The following PLEKHG5 variants were observed in gnomAD, a reference collection of about 807,000 sequenced individuals.
The protein encoded by PLEKHG5 is pleckstrin homology and RhoGEF domain containing G5.
Under a neutral mutation model 103.8 loss-of-function variants are expected in PLEKHG5, and 52 were observed. The ratio of observed to expected loss-of-function variants is 0.50; its 90% CI spans 0.40 to 0.63. PLEKHG5 has a LOEUF of 0.63. Among genes scored for constraint, PLEKHG5 ranks in the 30% least tolerant of loss-of-function variants. PLEKHG5 has a pLI of 0.00. For missense variants in PLEKHG5, 1,205 were observed against 1,347.6 expected, an observed-to-expected ratio of 0.89 and a Z score of 1.66; for synonymous variants, 592 against 575.5, an observed-to-expected ratio of 1.03 and a Z score of -0.41.
rs770870023 is a variant in PLEKHG5 at position 6,468,312 on chromosome 1, G to A, written c.2524C>T (p.Arg842Trp). 14 of 1,609,438 alleles carry A rather than the reference G, an allele frequency of 8.7e-6. No individual in the cohort carries two copies. The highest frequency in any genetic ancestry group is 2.7e-5 in the African/African-American group (2 of 74,914). Reference protein sequence around the residue: ...APGPMAELVPRAPESPRVPSP... With the variant: ...APGPMAELVPWAPESPRVPSP... ...GGAACTCGTGGGGACTCTGGGGCCC[G>A]AGGCACTAGCTCTGCCATTGGGCCT... The change falls in exon 20 of 21, where the codon CGG becomes TGG. Residue 842 changes from arginine (R) to tryptophan (W), a missense_variant. By Grantham distance (101) the Arg-to-Trp change is moderately radical. Transcript: ENST00000377728.
chr1:6,477,771 G>A (rs1644802839), intron 1 of PLEKHG5, 113 bp from the exon 2 acceptor site: 11 of 1,109,288 alleles, frequency 9.9e-6, no homozygotes, highest in Non-Finnish European at 1.3e-5. Flanking sequence ...TCGATCCAGG[G>A]TGAGGAGACG....
chr1:6,503,889 CG>C (rs139758732), intron 1 of PLEKHG5, among the ~76,000 whole-genome samples: 35 of 152,278 alleles, frequency 2.3e-4, no homozygotes, highest in African/African-American at 7.9e-4. Flanking sequence ...GCATCTGAGC[CG>C]TGAGGGCATC....
intron 1 of PLEKHG5, among the ~76,000 whole-genome samples, chr1:6,512,462 T>TG (rs554238102): frequency 3.3e-4 from 50 of 152,182 alleles, no homozygotes; most frequent in African/African-American, 7.7e-4. Flanking sequence ...ACCGAGTGTG[T>TG]GGGGGGCAGG....
chr1:6,470,863 A>C lies in PLEKHG5; in HGVS notation c.1414T>G (p.Cys472Gly), dbSNP rs1382976948. 6 of 1,573,054 alleles carry C rather than the reference A, an allele frequency of 3.8e-6. No homozygotes were observed. Among genetic ancestry groups the C allele is most frequent in the Non-Finnish European group, 5.2e-6 (6 of 1,159,186 alleles). ...YITWAEKHPQCQRLKLSDMLA... is the reference protein window; with the variant it reads ...YITWAEKHPQGQRLKLSDMLA... ...ATGTCGCTCAGCTTCAGCCTCTGGC[A>C]CTGTGGGTGCTTCTCCGCCCACTGC... The change falls in exon 14 of 21, where the codon TGC becomes GGC. Residue 472 changes from cysteine (C) to glycine (G), a missense_variant. By Grantham distance (159) the Cys-to-Gly change is radical. Transcript: ENST00000377728.
At chr1:6,504,846 G>A (rs1037625147) in intron 1 of PLEKHG5, among the ~76,000 whole-genome samples, 1 of 152,180 alleles carries the variant, frequency 6.6e-6, no homozygotes, top group African/African-American at 2.4e-5. Context: ...TGGGATTACA[G>A]GCATGAGCCA....
intron 1 of PLEKHG5, among the ~76,000 whole-genome samples, chr1:6,481,544 T>C (rs975241540): frequency 7.1e-6 from 1 of 140,774 alleles, no homozygotes; most frequent in Non-Finnish European, 1.5e-5. Context: ...AATAAATAAA[T>C]AAATAAATAA....
At chr1:6,495,764 C>T (rs1168328282), upstream of PLEKHG5, among the ~76,000 whole-genome samples, 1 of 152,230 alleles carries the variant, frequency 6.6e-6, no homozygotes, top group Non-Finnish European at 1.5e-5. Context: ...GAGCTGTGGG[C>T]CTTGGCCAAG....
At chr1:6,509,051 C>A (rs1482383976) in intron 1 of PLEKHG5, among the ~76,000 whole-genome samples, 1 of 152,202 alleles carries the variant, frequency 6.6e-6, no homozygotes, top group Admixed American at 6.5e-5. Flanking sequence ...GGCAGGCGGG[C>A]CCTCAGCTGG....
At chr1:6,515,226 C>A (rs1466871957) in intron 1 of PLEKHG5, among the ~76,000 whole-genome samples, 1 of 151,790 alleles carries the variant, frequency 6.6e-6, no homozygotes, top group East Asian at 2.0e-4. Context: ...CCATTTGGGA[C>A]AACTAAAAAA....
intron 1 of PLEKHG5, among the ~76,000 whole-genome samples, chr1:6,478,106 G>C (rs561543956): frequency 4.6e-5 from 7 of 151,848 alleles, no homozygotes; most frequent in Non-Finnish European, 8.8e-5. Context: ...GACTGGTCTC[G>C]AATTCCTGAC....
chr1:6,485,426 A>C (rs925444783), intron 1 of PLEKHG5: 2 of 1,326,742 alleles, frequency 1.5e-6, no homozygotes, highest in African/African-American at 3.1e-5. Context: ...GTCCGGAGAC[A>C]CCGGGTCCTG....
intron 1 of PLEKHG5, among the ~76,000 whole-genome samples, chr1:6,511,189 G>A (rs1343850960): frequency 6.6e-6 from 1 of 152,124 alleles, no homozygotes; most frequent in Non-Finnish European, 1.5e-5. Flanking sequence ...GTGGAAACCT[G>A]GGCCACAACC....
upstream of PLEKHG5, among the ~76,000 whole-genome samples, chr1:6,495,830 C>T (rs1645216404): frequency 6.6e-6 from 1 of 152,246 alleles, no homozygotes; most frequent in South Asian, 2.1e-4. Context: ...GTGACGATGC[C>T]TTCCCTGCAG....
intron 10 of PLEKHG5, 113 bp downstream of exon 10, chr1:6,472,414 C>A: frequency 2.5e-6 from 2 of 810,130 alleles, no homozygotes; most frequent in Non-Finnish European, 4.2e-6. Context: ...GACTTTCCTG[C>A]CCCCACCTCA....
At chr1:6,516,894 A>G (rs1443641510) in intron 1 of PLEKHG5, among the ~76,000 whole-genome samples, 2 of 106,748 alleles carry the variant, frequency 1.9e-5, no homozygotes, top group South Asian at 2.7e-4. Context: ...ATACACATAT[A>G]TATATATATA....
intron 1 of PLEKHG5, among the ~76,000 whole-genome samples, chr1:6,518,132 C>A (rs1469436878): frequency 1.3e-5 from 2 of 151,476 alleles, no homozygotes; most frequent in Non-Finnish European, 3.0e-5. Flanking sequence ...CGGGGTTTCA[C>A]CATGTTAGCC....
At chr1:6,516,769 ATATATATGTGTGTGTGTTATATATATGTG>A (rs1341708623) in intron 1 of PLEKHG5, among the ~76,000 whole-genome samples, 8 of 128,264 alleles carry the variant, frequency 6.2e-5, no homozygotes, top group African/African-American at 1.2e-4. Context: ...ATATATGTGT[ATATATATGTGTGTGTGTTATATATATGTG>A]TATATATATG....
Position 6,468,338 on chromosome 1 carries a change from G to C in PLEKHG5, c.2498C>G (p.Pro833Arg). 1 of 1,609,524 alleles carries C rather than the reference G, an allele frequency of 6.2e-7. No individual in the cohort carries two copies. The highest frequency in any genetic ancestry group is 8.5e-7 in the Non-Finnish European group (1 of 1,178,444). ...AGGCACTAGCTCTGCCATTGGGCCTGGGGCCACAAAGTCTTGTAAGGAGGT... is the reference window on the plus strand; with the variant it reads ...AGGCACTAGCTCTGCCATTGGGCCTCGGGCCACAAAGTCTTGTAAGGAGGT... ...SPTSLQDFVAPGPMAELVPRA... is the reference protein window; with the variant it reads ...SPTSLQDFVARGPMAELVPRA... Residue 833 changes from proline to arginine, a missense_variant, in exon 20 of 21, where the codon CCA becomes CGA. Physicochemically the swap from Pro to Arg is moderately radical, Grantham distance 103. Transcript: ENST00000377728.
Position 6,469,143 on chromosome 1 carries a change from C to T in PLEKHG5, c.2148G>A (p.Glu716=), listed in dbSNP as rs1569841449. 6.2e-7 allele frequency: 1 copy of T among 1,603,338 alleles called. No individual in the cohort carries two copies. The highest frequency in any genetic ancestry group is 1.1e-5 in the South Asian group (1 of 90,718). Residue 716 remains glutamate, a synonymous_variant, in exon 19 of 21, where the codon GAG becomes GAA. Transcript: ENST00000377728. ...CGCCTTCCTCCTCCTCCTCCTCCTC[C>T]TCCTCTTCCTCCTCCTGCTCATCCT... The part of the protein sequence containing the change: ...EEEDEQEEEE[E]EEEEEEEGED...
Sources: gnomAD v4.1 joint callset for allele counts (sites outside exome capture counted in the v4.1 genomes callset) on GRCh38, gnomAD v4.1.1 for gene constraint, MANE v1.5 for transcripts, NCBI Gene and HGNC (gene_info 2026-07-23, HGNC 2026-07-21) for gene names.